Variants in FRMD4B observed in about 807,000 individuals in gnomAD.
The protein encoded by FRMD4B is FERM domain containing 4B.
A neutral mutation model predicts 141.5 loss-of-function variants in FRMD4B; 74 were observed. That is an observed-to-expected ratio of 0.52 (90% confidence interval 0.43 to 0.63). The LOEUF is 0.63. FRMD4B is among the 30% of genes least tolerant of loss of function. The pLI is 0.00. For synonymous variants in FRMD4B, 506 were observed against 467.9 expected, an observed-to-expected ratio of 1.08 and a Z score of -1.05; for missense variants, 1,366 against 1,253.4, an observed-to-expected ratio of 1.09 and a Z score of -1.36.
At chr3:69,261,765 C>T (rs1365458484) in intron 5 of FRMD4B, among the ~76,000 whole-genome samples, 5 of 152,086 alleles carry the variant, frequency 3.3e-5, no homozygotes, top group South Asian at 4.2e-4. Flanking sequence ...CTCCACCTCC[C>T]GGGATCAAGC....
At chr3:69,372,333 C>T (rs1433019987) in intron 1 of FRMD4B, among the ~76,000 whole-genome samples, 1 of 152,132 alleles carries the variant, frequency 6.6e-6, no homozygotes, top group Non-Finnish European at 1.5e-5. Flanking sequence ...AGAAAAGTGC[C>T]TGGAAGGTAA....
intron 5 of FRMD4B, among the ~76,000 whole-genome samples, chr3:69,266,060 G>A (rs2093560273): frequency 6.6e-6 from 1 of 151,770 alleles, no homozygotes; most frequent in African/African-American, 2.4e-5. Context: ...AAATTATCCA[G>A]ATGTGATGGC....
At chr3:69,370,893 T>C (rs958438073) in intron 1 of FRMD4B, among the ~76,000 whole-genome samples, 1 of 152,228 alleles carries the variant, frequency 6.6e-6, no homozygotes, top group Non-Finnish European at 1.5e-5. Context: ...TAGATTCATT[T>C]GTTCATTTAA....
intron 3 of FRMD4B, among the ~76,000 whole-genome samples, chr3:69,303,426 T>C (rs1005855532): frequency 6.6e-6 from 1 of 151,660 alleles, no homozygotes; most frequent in African/African-American, 2.4e-5. Flanking sequence ...TAACAGCAAG[T>C]ATATGGCGAT....
intron 1 of FRMD4B, among the ~76,000 whole-genome samples, chr3:69,475,733 G>T (rs1006568626): frequency 1.3e-5 from 2 of 150,690 alleles, no homozygotes; most frequent in Non-Finnish European, 2.9e-5. Context: ...GTAATGGGAT[G>T]GCTGGGTCAA....
chr3:69,226,255 G>T (rs1281877929), intron 7 of FRMD4B, among the ~76,000 whole-genome samples: 1 of 152,096 alleles, frequency 6.6e-6, no homozygotes, highest in Non-Finnish European at 1.5e-5. Flanking sequence ...TTTGAAATCT[G>T]AGAGTTATGG....
chr3:69,198,696 AC>A lies in FRMD4B; in HGVS notation c.953+1del. On this transcript the variant is annotated splice_donor_variant, in intron 12 of 22. Coordinates refer to ENST00000398540, the MANE Select transcript of FRMD4B (RefSeq NM_015123.3). LOFTEE classifies it high-confidence loss of function. ...ATACAGAGAAACGTCTTTGATCCTC[AC>A]CTTCGTGGATCATGAACTTCAACAG... 6.7e-7 allele frequency: 1 copy of A among 1,482,062 alleles called. No individual in the cohort carries two copies. Among genetic ancestry groups the A allele is most frequent in the Non-Finnish European group, 9.3e-7 (1 of 1,073,884 alleles). 91.8% of individuals were successfully genotyped at this position (1,482,062 alleles called of 1,614,324 possible). A position where few individuals can be genotyped will look rare whatever the true frequency, so the allele number is the denominator to read the frequency against.
intron 1 of FRMD4B, among the ~76,000 whole-genome samples, chr3:69,516,428 G>A (rs1700756326): frequency 6.6e-6 from 1 of 152,094 alleles, no homozygotes; most frequent in Admixed American, 6.6e-5. Flanking sequence ...AAAGAGATTG[G>A]AAGATGTTAT....
intron 4 of FRMD4B, among the ~76,000 whole-genome samples, chr3:69,297,469 G>A (rs544972306): frequency 6.6e-6 from 1 of 152,164 alleles, no homozygotes; most frequent in South Asian, 2.1e-4. Flanking sequence ...GGAGAAGAGG[G>A]AAGACCAAAT....
intron 2 of FRMD4B, among the ~76,000 whole-genome samples, chr3:69,426,580 G>C (rs1575798716): frequency 1.3e-5 from 2 of 152,186 alleles, no homozygotes; most frequent in Admixed American, 1.3e-4. Flanking sequence ...GCAGAGGAAA[G>C]GAGGGGAGCA....
At chr3:69,460,521 A>C (rs1575810267) in intron 1 of FRMD4B, among the ~76,000 whole-genome samples, 2 of 152,276 alleles carry the variant, frequency 1.3e-5, no homozygotes, top group East Asian at 3.9e-4. Flanking sequence ...TAATTCCCAA[A>C]CTGGTTGCAC....
At chr3:69,347,011 G>A (rs566402353) in intron 1 of FRMD4B, among the ~76,000 whole-genome samples, 2 of 152,312 alleles carry the variant, frequency 1.3e-5, no homozygotes, top group South Asian at 4.1e-4. Flanking sequence ...TGGGCTAATT[G>A]CTCCAATTAA....
chr3:69,172,642 A>G (rs2092600194), intron 22 of FRMD4B, among the ~76,000 whole-genome samples: 1 of 152,232 alleles, frequency 6.6e-6, no homozygotes, highest in Non-Finnish European at 1.5e-5. Flanking sequence ...ATAGGGACAT[A>G]TATGATATCC....
chr3:69,250,229 C>T, intron 5 of FRMD4B, 130 bp from the exon 6 acceptor site: 2 of 745,190 alleles, frequency 2.7e-6, no homozygotes, highest in Non-Finnish European at 2.5e-6. Flanking sequence ...CATACCATTG[C>T]AGGGGAAAGT....
intron 1 of FRMD4B, among the ~76,000 whole-genome samples, chr3:69,507,063 T>G (rs1706608066): frequency 6.6e-6 from 1 of 152,178 alleles, no homozygotes; most frequent in South Asian, 2.1e-4. Flanking sequence ...TATAGGGATG[T>G]GTATTCTGAA....
At chr3:69,522,240 G>A (rs1700865164) in intron 1 of FRMD4B, among the ~76,000 whole-genome samples, 2 of 152,008 alleles carry the variant, frequency 1.3e-5, no homozygotes, top group South Asian at 2.1e-4. Flanking sequence ...TTCCAGATCT[G>A]ATGCAGGTCA....
chr3:69,330,269 T>C (rs1179607701), intron 1 of FRMD4B, among the ~76,000 whole-genome samples: 2 of 136,910 alleles, frequency 1.5e-5, no homozygotes, highest in Non-Finnish European at 3.0e-5. Context: ...GCTGAGTGAC[T>C]CCTTTGTCTT....
rs1705898513 is a variant in FRMD4B, at chr3:69,471,927, C to T, written c.-128-39166G>A. The T allele has an allele frequency of 1.9e-5, 3 of 155,328 alleles. No individual in the cohort carries two copies. The South Asian group carries it at 6.1e-4, about 31-fold the overall frequency. The allele number at this position is 155,328 out of a possible 1,614,324, so 9.6% of individuals were successfully genotyped here. ...CCGACTGACTCCAAAGAGTTATTGC[C>T]TCTCTATAGATTCCTTTGGGGGCTC... On this transcript the variant is annotated intron_variant, in intron 1 of 5. Transcript: ENST00000459638.
In FRMD4B at chr3:69,335,661, A is replaced by G. The variant is rs1489505832; in HGVS notation, c.163-22144T>C. Among the ~76,000 whole-genome samples the G allele has an allele frequency of 1.3e-4, 20 of 150,870 alleles. 1 individual carries two copies. Among genetic ancestry groups the G allele is most frequent in the Non-Finnish European group, 1.3e-4 (9 of 67,818 alleles). ...AGCCTCTCTAGACAATTTTTCCCCC[A>G]ATACCCTCCTCCCCCATGAAATGTT... On this transcript the variant is annotated intron_variant, in intron 1 of 22. Transcript: ENST00000398540.
Sources: gnomAD v4.1 joint callset for allele counts (sites outside exome capture counted in the v4.1 genomes callset) on GRCh38, gnomAD v4.1.1 for gene constraint, MANE v1.5 for transcripts, NCBI Gene and HGNC (gene_info 2026-07-23, HGNC 2026-07-21) for gene names.